The following SNX29 variants were observed in gnomAD, a reference collection of about 807,000 sequenced individuals.
SNX29 encodes sorting nexin 29.
A neutral mutation model predicts 102.1 loss-of-function variants in SNX29; 78 were observed. The observed-to-expected ratio is 0.76, with a 90% CI of 0.64 to 0.92. The LOEUF is 0.92. SNX29 is among the 40% of genes least tolerant of loss of function. The pLI is 0.00. For synonymous variants in SNX29, 580 were observed against 414.5 expected, an observed-to-expected ratio of 1.40 and a Z score of -4.85; for missense variants, 1,280 against 1,061.7, an observed-to-expected ratio of 1.21 and a Z score of -2.86.
intron 19 of SNX29, among the ~76,000 whole-genome samples, chr16:12,493,124 G>T (rs1047458429): frequency 6.6e-6 from 1 of 152,226 alleles, no homozygotes; most frequent in African/African-American, 2.4e-5. Flanking sequence ...ACCTTGGGCA[G>T]TATGGCCGTT....
At chr16:12,338,403 T>C (rs2081514888) in intron 15 of SNX29, among the ~76,000 whole-genome samples, 1 of 152,140 alleles carries the variant, frequency 6.6e-6, no homozygotes, top group Non-Finnish European at 1.5e-5. Flanking sequence ...CTGCCTTCCT[T>C]GGCTGCCTTC....
At chr16:12,335,183 C>T (rs1010089509) in intron 15 of SNX29, among the ~76,000 whole-genome samples, 2 of 152,012 alleles carry the variant, frequency 1.3e-5, no homozygotes, top group African/African-American at 4.8e-5. Flanking sequence ...CATCATCTCG[C>T]TATTGTCTTA....
At chr16:12,225,054 A>C (rs1452338887) in intron 14 of SNX29, among the ~76,000 whole-genome samples, 1 of 152,202 alleles carries the variant, frequency 6.6e-6, no homozygotes, top group African/African-American at 2.4e-5. Context: ...TTAGTCAGAA[A>C]TCTTTCTAAC....
At chr16:12,210,774 T>C (rs1242647689) in intron 14 of SNX29, among the ~76,000 whole-genome samples, 1 of 151,286 alleles carries the variant, frequency 6.6e-6, no homozygotes, top group African/African-American at 2.4e-5. Flanking sequence ...CCCTATCTCC[T>C]CCCCTCCTCT....
chr16:12,555,250 G>A (rs1024268808), intron 20 of SNX29, among the ~76,000 whole-genome samples: 2 of 151,530 alleles, frequency 1.3e-5, no homozygotes, highest in African/African-American at 2.4e-5. Flanking sequence ...GAGAGATGAG[G>A]GTGCTCAAAC....
At chr16:12,563,528 G>T (rs985924505) in intron 20 of SNX29, among the ~76,000 whole-genome samples, 1 of 152,192 alleles carries the variant, frequency 6.6e-6, no homozygotes, top group African/African-American at 2.4e-5. Context: ...GTGAAAAATT[G>T]AGTTGTCTCC....
chr16:12,175,611 C>T (rs936653932), intron 13 of SNX29, among the ~76,000 whole-genome samples: 2 of 151,200 alleles, frequency 1.3e-5, no homozygotes, highest in African/African-American at 4.9e-5. Context: ...AGATGGTGCC[C>T]CTGCACTCCG....
At chr16:12,300,783 G>A (rs1156449791) in intron 15 of SNX29, among the ~76,000 whole-genome samples, 2 of 152,186 alleles carry the variant, frequency 1.3e-5, no homozygotes, top group Admixed American at 6.5e-5. Context: ...CTGCGTAGCT[G>A]TTTGCTGTGG....
At chr16:12,135,913 A>C (rs999072695) in intron 13 of SNX29, among the ~76,000 whole-genome samples, 1 of 151,990 alleles carries the variant, frequency 6.6e-6, no homozygotes, top group Non-Finnish European at 1.5e-5. Flanking sequence ...GAGAGTCACC[A>C]AGGTGGTGGA....
intron 18 of SNX29, among the ~76,000 whole-genome samples, chr16:12,437,508 G>A (rs1035578): frequency 0.57 from 87,115 of 152,028 alleles, 25,137 homozygotes; most frequent in South Asian, 0.78. Context: ...TCTGAACTGA[G>A]TCTCAGGACA....
chr16:12,550,549 C>G (rs569973696), intron 20 of SNX29, among the ~76,000 whole-genome samples: 37 of 145,008 alleles, frequency 2.6e-4, no homozygotes, highest in Non-Finnish European at 4.1e-4. Flanking sequence ...AAAAAAAAAC[C>G]AAACACCAAA....
At chr16:12,089,949 T>C in intron 11 of SNX29, 2 of 257,636 alleles carry the variant, frequency 7.8e-6, no homozygotes, top group South Asian at 3.3e-5. Context: ...ACTCTCAGGC[T>C]GCTGACAGTC....
intron 18 of SNX29, among the ~76,000 whole-genome samples, chr16:12,465,753 A>G (rs750476635): frequency 6.6e-6 from 1 of 151,634 alleles, no homozygotes; most frequent in Non-Finnish European, 1.5e-5. Flanking sequence ...TGGAATTTTG[A>G]TAGAGATTAC....
chr16:12,560,144 CA>C (rs1210708176), intron 20 of SNX29, among the ~76,000 whole-genome samples: 8 of 43,282 alleles, frequency 1.8e-4, no homozygotes, highest in African/African-American at 3.4e-4. Context: ...CTCCCCCCCC[CA>C]ACAAACAGTA....
chr16:12,101,525 A>G (rs926816714), intron 11 of SNX29, among the ~76,000 whole-genome samples: 2 of 151,812 alleles, frequency 1.3e-5, no homozygotes, highest in African/African-American at 4.8e-5. Context: ...CTGGGATTAC[A>G]GGCATGCACC....
chr16:12,458,069 C>T (rs940715693), intron 18 of SNX29, among the ~76,000 whole-genome samples: 1 of 152,108 alleles, frequency 6.6e-6, no homozygotes, highest in Non-Finnish European at 1.5e-5. Context: ...GATTAAAGAC[C>T]ATAAGCACAG....
chr16:12,203,688 G>A (rs2076975166), intron 14 of SNX29, among the ~76,000 whole-genome samples: 1 of 152,206 alleles, frequency 6.6e-6, no homozygotes, highest in Non-Finnish European at 1.5e-5. Context: ...TTGTTCTTGT[G>A]GAGGTCTTTG....
At chr16:12,037,782 G>T (rs1276975250) in intron 4 of SNX29, among the ~76,000 whole-genome samples, 4 of 150,362 alleles carry the variant, frequency 2.7e-5, no homozygotes, top group Non-Finnish European at 5.9e-5. Context: ...TAAGACCCTC[G>T]TCTCTACAGA....
chr16:12,295,050 G>A (rs938621014), intron 15 of SNX29, among the ~76,000 whole-genome samples: 50 of 152,170 alleles, frequency 3.3e-4, no homozygotes, highest in African/African-American at 1.2e-3. Context: ...AACACATCTC[G>A]TGAGACTTAT....
Sources: gnomAD v4.1 joint callset for allele counts (sites outside exome capture counted in the v4.1 genomes callset) on GRCh38, gnomAD v4.1.1 for gene constraint, MANE v1.5 for transcripts, NCBI Gene and HGNC (gene_info 2026-07-23, HGNC 2026-07-21) for gene names.